Variants in ZNF728 observed in about 807,000 individuals in gnomAD.
ZNF728 encodes the protein zinc finger protein 728.
Under a neutral mutation model 12.5 loss-of-function variants are expected in ZNF728, and 12 were observed. That is an observed-to-expected ratio of 0.96 (90% CI 0.61 to 1.55). The LOEUF is 1.55. Among genes scored for constraint, ZNF728 ranks in the 40% most tolerant of loss-of-function variants. The pLI is 0.00. For synonymous variants in ZNF728, 205 were observed against 240.7 expected, an observed-to-expected ratio of 0.85 and a Z score of 1.37; for missense variants, 692 against 719.2, an observed-to-expected ratio of 0.96 and a Z score of 0.43.
intron 1 of ZNF728, among the ~76,000 whole-genome samples, chr19:22,992,134 A>G (rs1968995034): frequency 6.6e-6 from 1 of 152,124 alleles, no homozygotes; most frequent in Non-Finnish European, 1.5e-5. Context: ...GCACACAGCT[A>G]TTTATTGTAC....
At chr19:23,000,102 C>T (rs1408464134) in intron 1 of ZNF728, among the ~76,000 whole-genome samples, 1 of 152,176 alleles carries the variant, frequency 6.6e-6, no homozygotes, top group African/African-American at 2.4e-5. Flanking sequence ...GGCATGGTGG[C>T]TTACGCCTGT....
chr19:23,002,902 AAGG>A, intron 1 of ZNF728, 123 bp downstream of exon 1: 1 of 1,297,072 alleles, frequency 7.7e-7, no homozygotes. Flanking sequence ...CGAGCTAGGC[AAGG>A]AGAACACGGG....
chr19:23,001,573 G>A (rs552152358), intron 1 of ZNF728, among the ~76,000 whole-genome samples: 101 of 152,226 alleles, frequency 6.6e-4, no homozygotes, highest in Admixed American at 3.1e-3. Context: ...TCAAGTCCAA[G>A]AAAAAACTGA....
chr19:22,989,752 T>C (rs867805423), intron 1 of ZNF728, among the ~76,000 whole-genome samples: 2 of 152,240 alleles, frequency 1.3e-5, no homozygotes, highest in South Asian at 2.1e-4. Context: ...TGATTTTAAA[T>C]AGTCTTTCTT....
chr19:22,985,268 A>G (rs542327425), intron 3 of ZNF728, among the ~76,000 whole-genome samples: 20 of 152,326 alleles, frequency 1.3e-4, no homozygotes, highest in African/African-American at 4.1e-4. Flanking sequence ...ATAAAAAGAA[A>G]AAGGTGCCCT....
At chr19:23,000,668 A>C (rs184117911) in intron 1 of ZNF728, among the ~76,000 whole-genome samples, 253 of 151,878 alleles carry the variant, frequency 1.7e-3, no homozygotes, top group Middle Eastern at 6.8e-3. Context: ...TTTTCAGCTC[A>C]AACAGCCTGG....
In ZNF728 at chr19:23,003,100, G is replaced by A. The variant is rs1695824136; in HGVS notation, c.-70C>T. On this transcript the variant is annotated 5_prime_UTR_variant, in exon 1 of 4. Coordinates refer to ENST00000594710, the MANE Select transcript of ZNF728 (RefSeq NM_001267716.2). ...AATACCTGCAGGTCACAGGGCCATA[G>A]AAGCTGGGCCTTTAGGAGCGGACGA... The A allele has an allele frequency of 2.0e-6, 3 of 1,524,508 alleles. No homozygotes were observed. Among genetic ancestry groups the A allele is most frequent in the Non-Finnish European group, 2.6e-6 (3 of 1,134,850 alleles). 94.4% of individuals were successfully genotyped at this position (1,524,508 alleles called of 1,614,324 possible).
rs758357491 is a variant in ZNF728, at chr19:22,976,887, A to G, written c.450T>C (p.Tyr150=). ...TTGAACATTTATGAAAGATGTTTGC[A>G]TATTTGCCACATTGAAATACTTTGC... ...TQSKVFQCGK[Y]ANIFHKCSNS... is the part of the protein sequence containing the mutation. Residue 150 remains tyrosine, a synonymous_variant, in exon 4 of 4, where the codon TAT becomes TAC. Transcript: ENST00000594710. The G allele has an allele frequency of 3.1e-6, 5 of 1,613,348 alleles. No individual in the cohort carries two copies. Among genetic ancestry groups the G allele is most frequent in the Non-Finnish European group, 4.2e-6 (5 of 1,179,724 alleles).
intron 1 of ZNF728, among the ~76,000 whole-genome samples, chr19:23,000,621 T>C (rs190339446): frequency 9.2e-5 from 14 of 152,172 alleles, no homozygotes; most frequent in Admixed American, 7.9e-4. Context: ...CCCAGCACTT[T>C]GGGAGGCCAA....
chr19:22,994,773 C>A (rs766780405), intron 1 of ZNF728, among the ~76,000 whole-genome samples: 38 of 152,148 alleles, frequency 2.5e-4, no homozygotes, highest in South Asian at 6.2e-4. Flanking sequence ...CTTTTTGGCT[C>A]TTTACATTTT....
intron 3 of ZNF728, among the ~76,000 whole-genome samples, chr19:22,986,617 A>AT (rs1968919759): frequency 6.6e-6 from 1 of 152,168 alleles, no homozygotes; most frequent in Admixed American, 6.5e-5. Flanking sequence ...ATTGAAATAT[A>AT]TTTTGTCTAT....
chr19:22,975,423 T>C lies in ZNF728; in HGVS notation c.*45A>G, dbSNP rs762834363. On this transcript the variant is annotated 3_prime_UTR_variant, in exon 4 of 4. Transcript: ENST00000594710. Reference sequence around the variant, plus strand: ...TTTCCCTCCTGTATAAATACCCTTATGTTCAGTAAGGGTTAAGAACTAATT... The same window carrying C: ...TTTCCCTCCTGTATAAATACCCTTACGTTCAGTAAGGGTTAAGAACTAATT... 4 of 1,463,060 alleles carry C rather than the reference T, an allele frequency of 2.7e-6. No homozygotes were observed. The African/African-American group carries it at 4.3e-5, about 16-fold the overall frequency. The allele number at this position is 1,463,060 out of a possible 1,614,324, so 90.6% of individuals were successfully genotyped here. A position where few individuals can be genotyped will look rare whatever the true frequency, so the allele number is the denominator to read the frequency against.
intron 3 of ZNF728, among the ~76,000 whole-genome samples, chr19:22,981,977 G>C (rs565456989): frequency 6.6e-5 from 10 of 152,216 alleles, no homozygotes; most frequent in Middle Eastern, 3.4e-3. Context: ...CACAAGACAA[G>C]GATGCCCTCC....
rs1285623053 is a variant in ZNF728 at position 22,975,611 on chromosome 19, C to T, written c.1726G>A (p.Val576Ile). 6.8e-6 allele frequency: 11 copies of T among 1,607,606 alleles called. No homozygotes were observed. Among genetic ancestry groups the T allele is most frequent in the African/African-American group, 1.4e-5 (1 of 73,960 alleles). ...TTCTTATGTTTGTTAAGGACTGAGA[C>T]CCAGCTAAAGGCTTTGCCACATTCT... ...CEECGKAFSW[V>I]SVLNKHKKIH... The change falls in exon 4 of 4, where the codon GTC (valine) becomes ATC (isoleucine). Residue 576 changes from valine (V) to isoleucine (I), a missense_variant. Transcript: ENST00000594710.
rs1968781208 is a variant in ZNF728, at chr19:22,975,365, A to T, written c.*103T>A. 2 of 1,086,674 alleles carry T rather than the reference A, an allele frequency of 1.8e-6. No individual in the cohort carries two copies. The highest frequency in any genetic ancestry group is 4.9e-5 in the Admixed American group (2 of 40,532). The allele number at this position is 1,086,674 out of a possible 1,614,324, so 67.3% of individuals were successfully genotyped here. A position where few individuals can be genotyped will look rare whatever the true frequency, so the allele number is the denominator to read the frequency against. On this transcript the variant is annotated 3_prime_UTR_variant, in exon 4 of 4. Coordinates refer to ENST00000594710, the MANE Select transcript of ZNF728 (RefSeq NM_001267716.2). Reference sequence around the variant, plus strand: ...GTTTAGTAAGGATTGAGGAACAGTTAAAAAATTTGCCACATTCTTCACATT... The same window carrying T: ...GTTTAGTAAGGATTGAGGAACAGTTTAAAAATTTGCCACATTCTTCACATT...
intron 2 of ZNF728, among the ~76,000 whole-genome samples, chr19:22,988,089 G>C (rs1232773393): frequency 6.6e-6 from 1 of 152,028 alleles, no homozygotes; most frequent in Non-Finnish European, 1.5e-5. Flanking sequence ...AAGTCAAGCA[G>C]CTGACCACAA....
Position 23,003,144 on chromosome 19 carries a change from A to T in ZNF728, c.-114T>A. ...CGGACGACACACAGCAGTAAGGACGACACCTTGACCTCCGCGTGCAGCGAG... is the reference window on the plus strand; with the variant it reads ...CGGACGACACACAGCAGTAAGGACGTCACCTTGACCTCCGCGTGCAGCGAG... On this transcript the variant is annotated 5_prime_UTR_variant, in exon 1 of 4. Coordinates refer to ENST00000594710, the MANE Select transcript of ZNF728 (RefSeq NM_001267716.2). 7.8e-7 allele frequency: 1 copy of T among 1,283,154 alleles called. No homozygotes were observed. Among genetic ancestry groups the T allele is most frequent in the Non-Finnish European group, 1.1e-6 (1 of 942,872 alleles). 79.5% of individuals were successfully genotyped at this position (1,283,154 alleles called of 1,614,324 possible).
chr19:22,997,069 A>G (rs1969058168), intron 1 of ZNF728, among the ~76,000 whole-genome samples: 1 of 152,234 alleles, frequency 6.6e-6, no homozygotes, highest in Non-Finnish European at 1.5e-5. Context: ...CAGAGACTAC[A>G]TCTGACAAGC....
In ZNF728 at chr19:22,976,491, T is replaced by C. The variant is rs760018940; in HGVS notation, c.846A>G (p.Lys282=). ...IEHKRSHAGE[K]PYKCEECGKA... The stretch of plus-strand genomic sequence containing the variant: ...TGCCACATTCTTCACATTTGTAGGG[T>C]TTCTCTCCAGCATGACTTCTCTTAT... Residue 282 remains lysine (K), a synonymous_variant, in exon 4 of 4, where the codon AAA becomes AAG. Transcript: ENST00000594710. 58 of 1,612,804 alleles carry C rather than the reference T, an allele frequency of 3.6e-5. No individual in the cohort carries two copies. Among genetic ancestry groups the C allele is most frequent in the Non-Finnish European group, 4.6e-5 (54 of 1,179,898 alleles).
Sources: gnomAD v4.1 joint callset for allele counts (sites outside exome capture counted in the v4.1 genomes callset) on GRCh38, gnomAD v4.1.1 for gene constraint, MANE v1.5 for transcripts, NCBI Gene and HGNC (gene_info 2026-07-23, HGNC 2026-07-21) for gene names.